The following GPR142 variants were observed in gnomAD, a reference collection of about 807,000 sequenced individuals.
GPR142 encodes G protein-coupled receptor 142.
In GPR142, 9 loss-of-function variants were observed where a neutral mutation model predicts 10.6. That is an observed-to-expected ratio of 0.85 (90% CI 0.51 to 1.48). GPR142 has a LOEUF of 1.48. GPR142 is among the 40% of genes most tolerant of loss of function. The probability of loss-of-function intolerance (pLI) is 0.00; values close to 1 mark genes in which losing one functional copy is unlikely to be tolerated. For synonymous variants in GPR142, 202 were observed against 221.2 expected (o/e 0.91, Z 0.77); for missense variants, 482 against 506.0 (o/e 0.95, Z 0.45).
At chr17:74,370,333 C>T (rs1215094442) in intron 2 of GPR142, among the ~76,000 whole-genome samples, 188 bp from the exon 3 acceptor site, 1 of 152,078 alleles carries the variant, frequency 6.6e-6, no homozygotes, top group African/African-American at 2.4e-5. Flanking sequence ...AGTGGGGTGA[C>T]ATGGGGTGGG....
At chr17:74,367,981 C>T (rs183191482) in intron 1 of GPR142, among the ~76,000 whole-genome samples, 187 bp downstream of exon 1, 1 of 152,286 alleles carries the variant, frequency 6.6e-6, no homozygotes, top group East Asian at 1.9e-4. Context: ...AGTGTACATC[C>T]CTCAAAGAAA....
At position 74,372,507 on chromosome 17, in the gene GPR142, C is replaced by G; in HGVS notation, c.1032C>G (p.Ala344=). Residue 344 remains alanine, a synonymous_variant, in exon 4 of 4, where the codon GCC becomes GCG. Coordinates refer to ENST00000582579, the MANE Select transcript of GPR142 (RefSeq NM_001331076.1). ...CTGTCCGACAGGTCATCCACGATGC[C>G]TACCTGCCCTGCACTTTGGCATCAC... The part of the protein sequence containing the change: ...RATVRQVIHD[A]YLPCTLASQP... 2 of 1,613,536 alleles carry G rather than the reference C, an allele frequency of 1.2e-6. No homozygotes were observed. Among genetic ancestry groups the G allele is most frequent in the South Asian group, 2.2e-5 (2 of 91,090 alleles).
chr17:74,371,637 G>T, intron 3 of GPR142, 92 bp from the exon 4 acceptor site: 1 of 1,288,326 alleles, frequency 7.8e-7, no homozygotes, highest in Non-Finnish European at 1.1e-6. Context: ...CTCTGCACAT[G>T]CAGATGGGGA....
intron 3 of GPR142, 31 bp downstream of exon 3, chr17:74,370,710 G>C (rs1355159735): frequency 1.3e-6 from 2 of 1,590,194 alleles, no homozygotes; most frequent in African/African-American, 2.7e-5. Context: ...TGGGGACTTG[G>C]GCTTGGCCAG....
chr17:74,369,761 C>A, intron 2 of GPR142, 127 bp downstream of exon 2: 2 of 972,000 alleles, frequency 2.1e-6, no homozygotes. Context: ...GCAGTGAGCC[C>A]CCCGGCCTCA....
At position 74,369,698 on chromosome 17, in the gene GPR142, G is replaced by A. The variant is rs1461504806; in HGVS notation, c.94+64G>A. 4.7e-6 allele frequency: 7 copies of A among 1,486,794 alleles called. No homozygotes were observed. The Admixed American group carries it at 1.2e-4, about 26-fold the overall frequency. The allele number at this position is 1,486,794 out of a possible 1,614,324, so 92.1% of individuals were successfully genotyped here. A position where few individuals can be genotyped will look rare whatever the true frequency, so the allele number is the denominator to read the frequency against. ...GGTGGAAAGGCAGGAGGGAACAGGAGGCAGGTTAGGGACCTAGAGGGTGGA... is the reference window on the plus strand; with the variant it reads ...GGTGGAAAGGCAGGAGGGAACAGGAAGCAGGTTAGGGACCTAGAGGGTGGA... On this transcript the variant is annotated intron_variant, in intron 2 of 3. Transcript: ENST00000582579.
intron 3 of GPR142, among the ~76,000 whole-genome samples, chr17:74,371,074 C>T (rs2055020461): frequency 1.3e-5 from 2 of 152,014 alleles, no homozygotes; most frequent in South Asian, 4.1e-4. Flanking sequence ...TAGCTAAACC[C>T]ATGCCTGTGT....
intron 3 of GPR142, 26 bp from the exon 4 acceptor site, chr17:74,371,703 C>A (rs1460746053): frequency 6.3e-7 from 1 of 1,575,374 alleles, no homozygotes; most frequent in East Asian, 2.3e-5. Context: ...GATGCCTCTC[C>A]CCTCCCTCAC....
intron 1 of GPR142, 27 bp downstream of exon 1, chr17:74,367,821 G>C (rs2054992352): frequency 6.4e-7 from 1 of 1,555,674 alleles, no homozygotes; most frequent in African/African-American, 1.4e-5. Context: ...ACGTGCATGG[G>C]GCATCATTGT....
At position 74,370,593 on chromosome 17, in the gene GPR142, G is replaced by A. The variant is rs1200611496; in HGVS notation, c.167G>A (p.Trp56Ter). The A allele has an allele frequency of 4.3e-6, 7 of 1,610,088 alleles. No homozygotes were observed. Among genetic ancestry groups the A allele is most frequent in the African/African-American group, 2.7e-5 (2 of 74,624 alleles). The stretch of plus-strand genomic sequence containing the variant: ...CTGAGCCAGGAGTTTGAAAGCCACT[G>A]GCCAGAGATCGCAGAGAGGTCCCCG... ...SGLSQEFESH[W>*]PEIAERSPCV... The change falls in exon 3 of 4, where the codon TGG becomes TAG. Residue 56 changes from tryptophan to a stop codon, truncating the protein, a stop_gained. Coordinates refer to ENST00000582579, the MANE Select transcript of GPR142 (RefSeq NM_001331076.1). LOFTEE classifies it high-confidence loss of function.
At position 74,371,816 on chromosome 17, in the gene GPR142, C is replaced by T. The variant is rs374577647; in HGVS notation, c.341C>T (p.Ser114Leu). The change falls in exon 4 of 4, where the codon TCG (serine) becomes TTG (leucine). Residue 114 changes from serine to leucine, a missense_variant. By Grantham distance (145) the Ser-to-Leu change is moderately radical (BLOSUM62 -2). Coordinates refer to ENST00000582579, the MANE Select transcript of GPR142 (RefSeq NM_001331076.1). Reference protein sequence around the residue: ...SYYYLLALTASDIIIQVVIVF... With the variant: ...SYYYLLALTALDIIIQVVIVF... ...TACTACCTTCTGGCGCTCACAGCCT[C>T]GGATATCATCATCCAGGTGGTCATC... 3.0e-5 allele frequency: 49 copies of T among 1,613,532 alleles called. No individual in the cohort carries two copies. Among genetic ancestry groups the T allele is most frequent in the Non-Finnish European group, 3.9e-5 (46 of 1,180,026 alleles).
At chr17:74,370,344 G>A (rs949306983) in intron 2 of GPR142, among the ~76,000 whole-genome samples, 177 bp from the exon 3 acceptor site, 1 of 152,148 alleles carries the variant, frequency 6.6e-6, no homozygotes, top group East Asian at 1.9e-4. Context: ...ATGGGGTGGG[G>A]GTGAGGGTGG....
Position 74,372,131 on chromosome 17 carries a change from G to A in GPR142, c.656G>A (p.Arg219Lys), listed in dbSNP as rs202167160. The change falls in exon 4 of 4, where the codon AGA (arginine) becomes AAA (lysine). Residue 219 changes from arginine to lysine, a missense_variant. Transcript: ENST00000582579. ...LDMWRDTDSPRTLDEVLKWAH... is the reference protein window; with the variant it reads ...LDMWRDTDSPKTLDEVLKWAH... ...ATGTGGAGAGACACCGACTCACCCA[G>A]AACACTGGACGAGGTCCTCAAGTGG... The A allele has an allele frequency of 3.2e-5, 51 of 1,614,168 alleles. No homozygotes were observed. In the Admixed American group the frequency reaches 7.2e-4, roughly 23 times the overall value.
intron 1 of GPR142, 129 bp from the exon 2 acceptor site, chr17:74,369,339 C>T: frequency 1.2e-6 from 1 of 803,422 alleles, no homozygotes; most frequent in Non-Finnish European, 1.9e-6. Context: ...AGCCCGACCC[C>T]TTCCCCTGCC....
intron 1 of GPR142, 134 bp downstream of exon 1, chr17:74,367,928 A>G (rs2054993242): frequency 1.2e-6 from 1 of 829,978 alleles, no homozygotes; most frequent in African/African-American, 1.7e-5. Context: ...CCTTGGTTGA[A>G]ACCCTTGTGT....
Position 74,372,069 on chromosome 17 carries a change from C to G in GPR142, c.594C>G (p.Ala198=), listed in dbSNP as rs763346633. ...CCATTGCTGCTGTCCTGAGTGCTGC[C>G]CTGTTGACCGGCATCCCCTTCTACT... is the stretch of plus-strand genomic sequence containing the variant. ...RRAIAAVLSA[A]LLTGIPFYWW... Residue 198 remains alanine, a synonymous_variant, in exon 4 of 4, where the codon GCC becomes GCG. Coordinates refer to ENST00000582579, the MANE Select transcript of GPR142 (RefSeq NM_001331076.1). 1 of 1,614,210 alleles carries G rather than the reference C, an allele frequency of 6.2e-7. No homozygotes were observed. Among genetic ancestry groups the G allele is most frequent in the South Asian group, 1.1e-5 (1 of 91,086 alleles).
chr17:74,367,932 C>T (rs1415694895), intron 1 of GPR142, 138 bp downstream of exon 1: 5 of 806,322 alleles, frequency 6.2e-6, no homozygotes, highest in Non-Finnish European at 9.5e-6. Flanking sequence ...GGTTGAAACC[C>T]TTGTGTTCCG....
Position 74,367,814 on chromosome 17 carries a change from T to C in GPR142, c.-74+20T>C. 6.4e-7 allele frequency: 1 copy of C among 1,572,144 alleles called. No homozygotes were observed. Among genetic ancestry groups the C allele is most frequent in the Admixed American group, 1.8e-5 (1 of 55,074 alleles). On this transcript the variant is annotated intron_variant, in intron 1 of 3. Transcript: ENST00000582579. Reference sequence around the variant, plus strand: ...GGGATGGTAAGTTGCTGGAAGGACGTGCATGGGGCATCATTGTAGCAAACT... The same window carrying C: ...GGGATGGTAAGTTGCTGGAAGGACGCGCATGGGGCATCATTGTAGCAAACT...
chr17:74,369,386 ATCTACTCTAGC>A, intron 1 of GPR142, 71 bp from the exon 2 acceptor site: 2 of 1,379,788 alleles, frequency 1.4e-6, no homozygotes, highest in Non-Finnish European at 2.0e-6. Context: ...CTCCACCAGC[ATCTACTCTAGC>A]TCTTTCCCCG....
Sources: gnomAD v4.1 joint callset for allele counts (sites outside exome capture counted in the v4.1 genomes callset) on GRCh38, gnomAD v4.1.1 for gene constraint, MANE v1.5 for transcripts, NCBI Gene and HGNC (gene_info 2026-07-23, HGNC 2026-07-21) for gene names.